Variants in TMEM71 observed in about 807,000 individuals in gnomAD.
TMEM71 encodes transmembrane protein 71.
TMEM71 carries 44 observed loss-of-function variants against 38.0 expected under a neutral mutation model. The observed-to-expected ratio is 1.16, with a 90% CI of 0.91 to 1.49. The LOEUF is 1.49. Among genes scored for constraint, TMEM71 ranks in the 40% most tolerant of loss-of-function variants. The probability of loss-of-function intolerance (pLI) is 0.00; values close to 1 mark genes in which losing one functional copy is unlikely to be tolerated. For synonymous variants in TMEM71, 133 were observed against 122.5 expected, an observed-to-expected ratio of 1.09 and a Z score of -0.56; for missense variants, 367 against 348.6, an observed-to-expected ratio of 1.05 and a Z score of -0.42.
the TMEM71 span, among the ~76,000 whole-genome samples, chr8:132,767,428 T>G: frequency 6.6e-6 from 1 of 152,110 alleles, no homozygotes; most frequent in Non-Finnish European, 1.5e-5. Flanking sequence ...GTCAGCTTCC[T>G]GTGTCAATAT....
Position 132,751,954 on chromosome 8 carries a change from C to G in TMEM71, c.145G>C (p.Gly49Arg). The G allele has an allele frequency of 6.2e-7, 1 of 1,613,956 alleles. No homozygotes were observed. The highest frequency in any genetic ancestry group is 2.2e-5 in the East Asian group (1 of 44,860). ...SLDGYHSFECGSIDPLTGSHY... is the reference protein window; with the variant it reads ...SLDGYHSFECRSIDPLTGSHY... ...GAGCCTGTCAGGGGATCTATGGAGC[C>G]GCATTCAAAAGAATGGTAACCATCC... is the stretch of plus-strand genomic sequence containing the variant. Residue 49 changes from glycine to arginine, a missense_variant, in exon 4 of 10, where the codon GGC (glycine) becomes CGC (arginine). Coordinates refer to ENST00000677595, the MANE Select transcript of TMEM71 (RefSeq NM_001382403.1).
At chr8:132,709,637 G>T (rs1826145955), downstream of TMEM71, among the ~76,000 whole-genome samples, 1 of 152,090 alleles carries the variant, frequency 6.6e-6, no homozygotes, top group Non-Finnish European at 1.5e-5. Flanking sequence ...AGAGTGGTGT[G>T]CTTTGGAGGT....
chr8:132,768,524 C>T, the TMEM71 span, among the ~76,000 whole-genome samples: 2 of 151,866 alleles, frequency 1.3e-5, no homozygotes, highest in Non-Finnish European at 1.5e-5. Flanking sequence ...ACTGTTTGCT[C>T]AGGGTTCATT....
intron 5 of TMEM71, among the ~76,000 whole-genome samples, chr8:132,741,874 A>G (rs1351496498): frequency 6.6e-6 from 1 of 152,146 alleles, no homozygotes; most frequent in African/African-American, 2.4e-5. Context: ...TCCCCGGGGG[A>G]AAAGGAGACT....
Position 132,710,610 on chromosome 8 carries a change from A to T in TMEM71, c.*357T>A. On this transcript the variant is annotated 3_prime_UTR_variant, in exon 10 of 10. Transcript: ENST00000677595. ...GTGGCAGACCCAGAAATCTGGTTAC[A>T]AGCTCCTCACAGAATTTCCTAATGA... is the stretch of plus-strand genomic sequence containing the variant. 2.1e-6 allele frequency: 1 copy of T among 476,576 alleles called. No homozygotes were observed. The highest frequency in any genetic ancestry group is 5.3e-4 in the Middle Eastern group (1 of 1,900). The allele number at this position is 476,576 out of a possible 1,614,324, so 29.5% of individuals were successfully genotyped here. A position where few individuals can be genotyped will look rare whatever the true frequency, so the allele number is the denominator to read the frequency against.
intron 4 of TMEM71, among the ~76,000 whole-genome samples, chr8:132,749,734 G>C: frequency 6.6e-6 from 1 of 152,086 alleles, no homozygotes; most frequent in East Asian, 1.9e-4. Flanking sequence ...ATAAAATCTG[G>C]GCCCGGCACA....
At chr8:132,742,116 G>C (rs1037970724) in intron 5 of TMEM71, among the ~76,000 whole-genome samples, 2 of 152,092 alleles carry the variant, frequency 1.3e-5, no homozygotes, top group Non-Finnish European at 2.9e-5. Context: ...GTTTTTCCTA[G>C]GTTATGACTA....
chr8:132,715,409 C>CAAAAAAA lies in TMEM71; in HGVS notation c.753-1201_753-1195dup, dbSNP rs975995287. On this transcript the variant is annotated intron_variant, in intron 7 of 9. Coordinates refer to ENST00000677595, the MANE Select transcript of TMEM71 (RefSeq NM_001382403.1). ...TGGGCGACAGAGCAAGACTCCGTCT[C>CAAAAAAA]AAAAAAAAAAAAAAAAAAAAAAAAA... Among the ~76,000 whole-genome samples, 34 of 21,542 alleles carry CAAAAAAA rather than the reference C, an allele frequency of 1.6e-3. 1 individual carries two copies. Among genetic ancestry groups the CAAAAAAA allele is most frequent in the African/African-American group, 2.8e-3 (23 of 8,154 alleles). The allele number at this position is 21,542 out of a possible 152,430, so 14.1% of individuals were successfully genotyped here. A position where few individuals can be genotyped will look rare whatever the true frequency, so the allele number is the denominator to read the frequency against.
intron 6 of TMEM71, among the ~76,000 whole-genome samples, chr8:132,725,190 A>T (rs895434283): frequency 6.6e-6 from 1 of 152,098 alleles, no homozygotes; most frequent in Non-Finnish European, 1.5e-5. Context: ...GGCATGCACC[A>T]CTATGCCCAG....
At chr8:132,774,637 C>A in the TMEM71 span, among the ~76,000 whole-genome samples, 1 of 152,220 alleles carries the variant, frequency 6.6e-6, no homozygotes, top group East Asian at 1.9e-4. Flanking sequence ...TGTTTCATTT[C>A]AATATTATTT....
At chr8:132,772,960 A>G in the TMEM71 span, among the ~76,000 whole-genome samples, 1 of 152,246 alleles carries the variant, frequency 6.6e-6, no homozygotes, top group African/African-American at 2.4e-5. Flanking sequence ...TTCAGAAAAA[A>G]GGTCAGTGTT....
chr8:132,729,120 A>G (rs1043359662), intron 5 of TMEM71, among the ~76,000 whole-genome samples: 2 of 152,242 alleles, frequency 1.3e-5, no homozygotes, highest in Non-Finnish European at 2.9e-5. Context: ...TTCAAGTTTC[A>G]AACATGCTAA....
At chr8:132,763,763 G>C (rs1244663839), upstream of TMEM71, among the ~76,000 whole-genome samples, 1 of 152,198 alleles carries the variant, frequency 6.6e-6, no homozygotes, top group Non-Finnish European at 1.5e-5. Flanking sequence ...GAATCACAGA[G>C]GATCTTACAG....
At chr8:132,726,951 G>A (rs1266427491) in intron 6 of TMEM71, among the ~76,000 whole-genome samples, 1 of 151,150 alleles carries the variant, frequency 6.6e-6, no homozygotes, top group Non-Finnish European at 1.5e-5. Context: ...CACCTCCCAG[G>A]TTCAAGTGAC....
At chr8:132,711,684 G>T (rs1338876787) in intron 9 of TMEM71, among the ~76,000 whole-genome samples, 1 of 152,162 alleles carries the variant, frequency 6.6e-6, no homozygotes, top group Non-Finnish European at 1.5e-5. Context: ...GGACAAGACA[G>T]ATAGTCCCTA....
intron 2 of TMEM71, chr8:132,758,636 TAC>T: frequency 1.9e-6 from 1 of 515,534 alleles, no homozygotes; most frequent in Non-Finnish European, 3.4e-6. Context: ...TTTTTTTTTC[TAC>T]TAGAAGGAAA....
chr8:132,759,364 T>C (rs1829204388), intron 1 of TMEM71: 1 of 153,568 alleles, frequency 6.5e-6, no homozygotes. Flanking sequence ...TGGAGATTGG[T>C]GTCTGTCTTT....
At chr8:132,714,964 T>A (rs1826425201) in intron 7 of TMEM71, among the ~76,000 whole-genome samples, 1 of 151,964 alleles carries the variant, frequency 6.6e-6, no homozygotes. Flanking sequence ...AAAACAGATG[T>A]TCAACATCAT....
intron 9 of TMEM71, 89 bp from the exon 10 acceptor site, chr8:132,711,071 T>G: frequency 7.9e-7 from 1 of 1,263,006 alleles, no homozygotes; most frequent in South Asian, 1.3e-5. Flanking sequence ...CATTTGCGCA[T>G]ATATAAGCAC....
Sources: allele counts gnomAD v4.1 joint callset (sites outside exome capture counted in the v4.1 genomes callset), GRCh38; gene constraint gnomAD v4.1.1; transcripts MANE v1.5; gene names NCBI Gene and HGNC (gene_info 2026-07-23, HGNC 2026-07-21).